Variants in NRXN1 observed in about 807,000 individuals in gnomAD.
NRXN1 encodes the protein neurexin-1.
In NRXN1, 39 loss-of-function variants were observed where a neutral mutation model predicts 150.9. The ratio of observed to expected loss-of-function variants is 0.26; its 90% confidence interval spans 0.20 to 0.34. The LOEUF is 0.34. Among genes scored for constraint, NRXN1 ranks in the 10% least tolerant of loss-of-function variants. The pLI is 1.00. For missense variants in NRXN1, 1,815 were observed against 1,949.9 expected, an observed-to-expected ratio of 0.93 and a Z score of 1.30; for synonymous variants, 924 against 757.0, an observed-to-expected ratio of 1.22 and a Z score of -3.62.
intron 17 of NRXN1, among the ~76,000 whole-genome samples, chr2:50,253,142 T>C: frequency 6.6e-6 from 1 of 152,118 alleles, no homozygotes; most frequent in Non-Finnish European, 1.5e-5. Flanking sequence ...TCTTTAGCTG[T>C]ATTCCTAGGT....
chr2:50,355,271 A>G (rs2078711790), intron 17 of NRXN1, among the ~76,000 whole-genome samples: 1 of 122,568 alleles, frequency 8.2e-6, no homozygotes, highest in Admixed American at 9.3e-5. Context: ...ATATACACAT[A>G]TATACAATAT....
intron 5 of NRXN1, chr2:50,829,685 G>T: frequency 6.2e-7 from 1 of 1,607,070 alleles, no homozygotes; most frequent in Non-Finnish European, 8.5e-7. Flanking sequence ...ACAGCGGAGC[G>T]CCGCGCCAGG....
chr2:50,776,080 T>C (rs142907329), intron 5 of NRXN1, among the ~76,000 whole-genome samples: 201 of 152,192 alleles, frequency 1.3e-3, no homozygotes, highest in African/African-American at 4.6e-3. Context: ...AAATCGACTG[T>C]CATTTTGACA....
intron 17 of NRXN1, among the ~76,000 whole-genome samples, chr2:50,247,390 T>C (rs1207794010): frequency 6.6e-6 from 1 of 152,064 alleles, no homozygotes; most frequent in East Asian, 1.9e-4. Context: ...GCTTTAATGA[T>C]TTATTAATAC....
At chr2:50,172,029 A>G (rs1008215054) in intron 18 of NRXN1, among the ~76,000 whole-genome samples, 2 of 152,210 alleles carry the variant, frequency 1.3e-5, no homozygotes, top group African/African-American at 4.8e-5. Flanking sequence ...CAACTACAGA[A>G]GAGAATTCAG....
At chr2:50,487,790 C>T (rs573081559) in intron 15 of NRXN1, among the ~76,000 whole-genome samples, 3 of 152,182 alleles carry the variant, frequency 2.0e-5, no homozygotes, top group African/African-American at 7.2e-5. Context: ...TAACATTGCC[C>T]AGATGTCAGC....
At chr2:51,014,922 G>C (rs2105225480) in intron 2 of NRXN1, among the ~76,000 whole-genome samples, 1 of 152,104 alleles carries the variant, frequency 6.6e-6, no homozygotes, top group East Asian at 1.9e-4. Flanking sequence ...AAATTCCAAT[G>C]ATACACTGCC....
chr2:50,731,551 A>G (rs892995275), intron 5 of NRXN1, among the ~76,000 whole-genome samples: 1 of 152,190 alleles, frequency 6.6e-6, no homozygotes, highest in African/African-American at 2.4e-5. Flanking sequence ...AAAAGCACCA[A>G]TGATCTAGAA....
intron 17 of NRXN1, among the ~76,000 whole-genome samples, chr2:50,301,801 A>G (rs2152955090): frequency 6.6e-6 from 1 of 152,310 alleles, no homozygotes; most frequent in East Asian, 1.9e-4. Context: ...TTTGTTTTCC[A>G]TTCTATTAGC....
At chr2:50,980,772 T>C (rs1396461695) in intron 2 of NRXN1, among the ~76,000 whole-genome samples, 1 of 152,174 alleles carries the variant, frequency 6.6e-6, no homozygotes, top group Non-Finnish European at 1.5e-5. Flanking sequence ...ATTAAACCTA[T>C]CATTCCAGAG....
chr2:50,659,584 T>C (rs1686997990), intron 5 of NRXN1, among the ~76,000 whole-genome samples: 1 of 151,930 alleles, frequency 6.6e-6, no homozygotes, highest in South Asian at 2.1e-4. Context: ...ATAAATTTCT[T>C]TACATTTAGA....
intron 3 of NRXN1, among the ~76,000 whole-genome samples, chr2:50,925,446 A>C (rs1217185973): frequency 6.6e-6 from 1 of 151,866 alleles, no homozygotes; most frequent in Non-Finnish European, 1.5e-5. Context: ...TTTAATCTAA[A>C]TTTATGTCTC....
At chr2:50,084,284 G>C (rs959695873) in intron 19 of NRXN1, among the ~76,000 whole-genome samples, 6 of 152,220 alleles carry the variant, frequency 3.9e-5, no homozygotes, top group African/African-American at 1.2e-4. Flanking sequence ...CCGCACAGGA[G>C]CCCGTGGCGG....
intron 17 of NRXN1, among the ~76,000 whole-genome samples, chr2:50,440,425 T>C (rs996636977): frequency 6.7e-6 from 1 of 150,190 alleles, no homozygotes; most frequent in African/African-American, 2.5e-5. Context: ...TATTATTATT[T>C]AGAAGATAAA....
At chr2:51,009,681 T>C (rs140098616) in intron 2 of NRXN1, among the ~76,000 whole-genome samples, 52 of 152,094 alleles carry the variant, frequency 3.4e-4, no homozygotes, top group African/African-American at 1.2e-3. Flanking sequence ...AAAGGAGGCA[T>C]TGAAAGAATG....
chr2:49,926,537 CTGA>C (rs1669135761), intron 22 of NRXN1: 3 of 394,244 alleles, frequency 7.6e-6, no homozygotes, highest in Non-Finnish European at 1.3e-5. Flanking sequence ...TTGTTCATAT[CTGA>C]TGATAATTCA....
intron 5 of NRXN1, among the ~76,000 whole-genome samples, chr2:50,854,983 T>C (rs1675061490): frequency 6.6e-6 from 1 of 151,964 alleles, no homozygotes; most frequent in African/African-American, 2.4e-5. Context: ...TTGAATTATG[T>C]GCAGGGCCTG....
intron 21 of NRXN1, among the ~76,000 whole-genome samples, chr2:49,953,166 A>G (rs779872432): frequency 6.6e-6 from 1 of 152,166 alleles, no homozygotes; most frequent in Non-Finnish European, 1.5e-5. Context: ...TGGAGTATAG[A>G]ACAGCAAGAA....
At chr2:50,420,367 A>C (rs1269856544) in intron 17 of NRXN1, among the ~76,000 whole-genome samples, 1 of 151,876 alleles carries the variant, frequency 6.6e-6, no homozygotes, top group African/African-American at 2.4e-5. Flanking sequence ...TTGCAAATAA[A>C]GTTCTATTGT....
Sources: allele counts gnomAD v4.1 joint callset (sites outside exome capture counted in the v4.1 genomes callset), GRCh38; gene constraint gnomAD v4.1.1; transcripts MANE v1.5; gene names NCBI Gene and HGNC (gene_info 2026-07-23, HGNC 2026-07-21).